Variants in TP63 observed in about 807,000 individuals in gnomAD.
The protein encoded by TP63 is tumor protein 63.
TP63 carries 17 observed loss-of-function variants against 82.8 expected under a neutral mutation model. The observed-to-expected ratio is 0.21, with a 90% CI of 0.14 to 0.31. The LOEUF (loss-of-function observed/expected upper bound fraction) is 0.31, where lower values mean the gene tolerates loss of function less well. Among genes scored for constraint, TP63 ranks in the 10% least tolerant of loss-of-function variants. The pLI, the probability that TP63 is intolerant of heterozygous loss-of-function variation, is 1.00. For missense variants in TP63, 648 were observed against 895.3 expected (o/e 0.72, Z 3.52); for synonymous variants, 330 against 321.7 (o/e 1.03, Z -0.28).
intron 3 of TP63, among the ~76,000 whole-genome samples, chr3:189,765,304 T>C (rs1395950103): frequency 1.3e-5 from 2 of 151,996 alleles, no homozygotes; most frequent in Admixed American, 1.3e-4. Flanking sequence ...TCCCCGTATA[T>C]TGTTTTTTTC....
At chr3:189,869,230 GATTAAC>G in intron 8 of TP63, 88 bp from the exon 9 acceptor site, 1 of 967,798 alleles carries the variant, frequency 1.0e-6, no homozygotes, top group Non-Finnish European at 1.6e-6. Flanking sequence ...TATTAAATCT[GATTAAC>G]ATTAATATTT....
intron 1 of TP63, among the ~76,000 whole-genome samples, chr3:189,729,944 A>G (rs980344329): frequency 8.5e-5 from 13 of 152,318 alleles, no homozygotes; most frequent in African/African-American, 2.9e-4. Context: ...TGGAATAGTT[A>G]TAGTAATGGC....
chr3:189,665,919 C>A (rs1307220195), intron 1 of TP63, among the ~76,000 whole-genome samples: 1 of 151,856 alleles, frequency 6.6e-6, no homozygotes, highest in Admixed American at 6.6e-5. Flanking sequence ...TTATTTGAAC[C>A]TGGGTCAACA....
In TP63 at chr3:189,646,527, C is replaced by G. The variant is rs182315977; in HGVS notation, c.62+14950C>G. ...ATATACATTATAGCTAACATTGAGT[C>G]ATGTATATTATAAATATTCAATAAA... is the stretch of plus-strand genomic sequence containing the variant. On this transcript the variant is annotated intron_variant, in intron 1 of 13. Coordinates refer to ENST00000264731, the MANE Select transcript of TP63 (RefSeq NM_003722.5). Among the ~76,000 whole-genome samples the G allele has an allele frequency of 9.0e-4, 133 of 147,256 alleles. 5 individuals carry two copies. The highest frequency in any genetic ancestry group is 1.7e-3 in the Non-Finnish European group (113 of 67,354).
At chr3:189,696,785 AT>A (rs1717412474) in intron 1 of TP63, among the ~76,000 whole-genome samples, 1 of 152,096 alleles carries the variant, frequency 6.6e-6, no homozygotes, top group Admixed American at 6.6e-5. Context: ...TTATTTTCCT[AT>A]GACAAATTAT....
At chr3:189,678,916 G>A (rs116675078) in intron 1 of TP63, among the ~76,000 whole-genome samples, 2,439 of 152,034 alleles carry the variant, frequency 0.016, 66 homozygotes, top group African/African-American at 0.056. Flanking sequence ...TGTTATTGAT[G>A]TATATAAACG....
intron 1 of TP63, among the ~76,000 whole-genome samples, chr3:189,729,472 A>C (rs983499621): frequency 1.3e-5 from 2 of 152,224 alleles, no homozygotes; most frequent in Admixed American, 6.5e-5. Flanking sequence ...GCCAGTAACT[A>C]GGAGAAATGA....
the TP63 span, among the ~76,000 whole-genome samples, chr3:189,598,674 C>G: frequency 0.091 from 13,825 of 152,298 alleles, 858 homozygotes; most frequent in East Asian, 0.2. Flanking sequence ...TGAATACTGT[C>G]CAGTGAGAAC....
chr3:189,885,917 T>A (rs1720398979), intron 10 of TP63, among the ~76,000 whole-genome samples: 1 of 152,336 alleles, frequency 6.6e-6, no homozygotes, highest in Admixed American at 6.5e-5. Context: ...GGGTTTGTAG[T>A]CATTTTCTGC....
chr3:189,709,005 TG>T (rs1245177681), intron 1 of TP63, among the ~76,000 whole-genome samples: 1 of 152,218 alleles, frequency 6.6e-6, no homozygotes, highest in Non-Finnish European at 1.5e-5. Context: ...TATTTTACTG[TG>T]GTATATCTCA....
At chr3:189,688,290 C>A (rs1716605412) in intron 1 of TP63, among the ~76,000 whole-genome samples, 1 of 152,214 alleles carries the variant, frequency 6.6e-6, no homozygotes, top group African/African-American at 2.4e-5. Flanking sequence ...ACTAAAGTCT[C>A]CACATTTCTA....
intron 3 of TP63, among the ~76,000 whole-genome samples, chr3:189,750,725 A>G (rs1452751087): frequency 6.6e-6 from 1 of 152,192 alleles, no homozygotes; most frequent in Non-Finnish European, 1.5e-5. Flanking sequence ...AGTAGTAGTT[A>G]GGATGTGTAG....
At chr3:189,695,909 C>T (rs1485365663) in intron 1 of TP63, among the ~76,000 whole-genome samples, 2 of 152,114 alleles carry the variant, frequency 1.3e-5, no homozygotes, top group African/African-American at 2.4e-5. Context: ...TTTATAGATT[C>T]GCTAACTTCA....
intron 3 of TP63, among the ~76,000 whole-genome samples, chr3:189,781,330 T>C (rs1240014498): frequency 6.6e-6 from 1 of 152,188 alleles, no homozygotes; most frequent in Non-Finnish European, 1.5e-5. Context: ...TGGTTCATGA[T>C]GCAAAGGTGG....
At chr3:189,765,907 G>GT (rs1392361979) in intron 3 of TP63, among the ~76,000 whole-genome samples, 10 of 152,178 alleles carry the variant, frequency 6.6e-5, no homozygotes, top group Non-Finnish European at 1.2e-4. Flanking sequence ...GTTGGGCTAG[G>GT]TGAATACTCA....
intron 5 of TP63, among the ~76,000 whole-genome samples, chr3:189,865,023 T>C (rs1410300566): frequency 7.4e-6 from 1 of 135,342 alleles, no homozygotes; most frequent in African/African-American, 3.6e-5. Flanking sequence ...AAAAAATAAA[T>C]GAAAAAAAAA....
At chr3:189,725,777 C>T (rs986837198) in intron 1 of TP63, among the ~76,000 whole-genome samples, 6 of 152,088 alleles carry the variant, frequency 3.9e-5, no homozygotes, top group Admixed American at 1.3e-4. Flanking sequence ...TTTTGCAGGC[C>T]GGGTGTGGTG....
At chr3:189,695,296 C>T (rs759337089) in intron 1 of TP63, among the ~76,000 whole-genome samples, 2 of 148,920 alleles carry the variant, frequency 1.3e-5, no homozygotes, top group Non-Finnish European at 3.0e-5. Flanking sequence ...AAAGCTCTTT[C>T]AGTTAGTTCC....
upstream of TP63, among the ~76,000 whole-genome samples, chr3:189,630,279 G>A (rs1057175265): frequency 2.6e-5 from 4 of 152,066 alleles, no homozygotes; most frequent in Non-Finnish European, 4.4e-5. Flanking sequence ...GTTAGTGACC[G>A]TTAGATACAC....
Sources: gnomAD v4.1 joint callset for allele counts (sites outside exome capture counted in the v4.1 genomes callset) on GRCh38, gnomAD v4.1.1 for gene constraint, MANE v1.5 for transcripts, NCBI Gene and HGNC (gene_info 2026-07-23, HGNC 2026-07-21) for gene names.